TLN1: variants seen among roughly 807,000 people sequenced by gnomAD.
The protein encoded by TLN1 is talin-1.
In TLN1, 56 loss-of-function variants were observed where a neutral mutation model predicts 292.3. The ratio of observed to expected loss-of-function variants is 0.19; its 90% CI spans 0.15 to 0.24. TLN1 has a LOEUF of 0.24. Among genes scored for constraint, TLN1 ranks in the 10% least tolerant of loss-of-function variants. The pLI, the probability that TLN1 is intolerant of heterozygous loss-of-function variation, is 1.00. For synonymous variants in TLN1, 1,119 were observed against 1,253.7 expected, an observed-to-expected ratio of 0.89 and a Z score of 2.27; for missense variants, 2,433 against 3,248.2, an observed-to-expected ratio of 0.75 and a Z score of 6.10.
In TLN1 at chr9:35,697,828, T is replaced by A; in HGVS notation, c.7589A>T (p.Tyr2530Phe). 1.2e-6 allele frequency: 2 copies of A among 1,614,174 alleles called. No individual in the cohort carries two copies. Among genetic ancestry groups the A allele is most frequent in the South Asian group, 2.2e-5 (2 of 91,090 alleles). The part of the protein sequence containing the change: ...KKLAQIRQQQ[Y>F]KFLPSELRDE... ...TCGAAGCTCTGAAGGCAGAAACTTG[T>A]ACTGCTGCTGCCGGATCTGGGCCAG... is the stretch of plus-strand genomic sequence containing the variant. Residue 2530 changes from tyrosine (Y) to phenylalanine (F), a missense_variant, in exon 57 of 57, where the codon TAC becomes TTC. Transcript: ENST00000314888.
At position 35,719,201 on chromosome 9, in the gene TLN1, C is replaced by A. The variant is rs773010808; in HGVS notation, c.1769G>T (p.Gly590Val). ...CAGCAAGGCAGCCAGCAGCTTCACC[C>A]CACGGGACATCTCCGTCAGGTTGGA... Reference protein sequence around the residue: ...ISSNLTEMSRGVKLLAALLED... With the variant: ...ISSNLTEMSRVVKLLAALLED... Residue 590 changes from glycine to valine, a missense_variant, in exon 16 of 57, where the codon GGG (glycine) becomes GTG (valine). Gly to Val is a moderately radical substitution (Grantham distance 109). Around this residue, in one of 7 missense-constraint regions of TLN1, gnomAD observed 617 missense variants for 770.6 expected, o/e 0.80. Transcript: ENST00000314888. The surrounding 1 kb of genome is among the most constrained non-coding windows in gnomAD (Gnocchi z 4.6). The A allele has an allele frequency of 6.2e-7, 1 of 1,614,212 alleles. No individual in the cohort carries two copies. The highest frequency in any genetic ancestry group is 8.5e-7 in the Non-Finnish European group (1 of 1,180,034).
Position 35,700,366 on chromosome 9 carries a change from G to A in TLN1, c.6485C>T (p.Ser2162Phe). ...AGAGGTCTTGGCAGGTGGCTCTGGG[G>A]AACAGAAAACCTGTGGGGGCAGAAG... is the stretch of plus-strand genomic sequence containing the variant. ...HIRQELAVFC[S>F]PEPPAKTSTP... Residue 2162 changes from serine (S) to phenylalanine (F), a missense_variant, in exon 49 of 57, where the codon TCC becomes TTC. Around this residue, in one of 7 missense-constraint regions of TLN1, gnomAD observed 1,384 missense variants for 1,699.6 expected, o/e 0.81. Coordinates refer to ENST00000314888, the MANE Select transcript of TLN1 (RefSeq NM_006289.4). The A allele has an allele frequency of 6.3e-7, 1 of 1,598,796 alleles. No individual in the cohort carries two copies. The highest frequency in any genetic ancestry group is 8.6e-7 in the Non-Finnish European group (1 of 1,167,500).
At position 35,719,076 on chromosome 9, in the gene TLN1, C is replaced by T; in HGVS notation, c.1894G>A (p.Glu632Lys). Residue 632 changes from glutamate (E) to lysine (K), a missense_variant and splice_region_variant, in exon 16 of 57, where the codon GAG (glutamate) becomes AAG (lysine). By Grantham distance (56) the Glu-to-Lys change is moderately conservative. Around this residue, in one of 7 missense-constraint regions of TLN1, gnomAD observed 617 missense variants for 770.6 expected, o/e 0.80. Coordinates refer to ENST00000314888, the MANE Select transcript of TLN1 (RefSeq NM_006289.4). The surrounding 1 kb of genome is among the most constrained non-coding windows in gnomAD (Gnocchi z 4.6). ...LLRSAQPASA[E>K]PRQNLLQAAG... Reference sequence around the variant, plus strand: ...AACCCAAACCTGTGGCCCCTGACCTCAGCACTGGCTGGTTGGGCACTGCGC... The same window carrying T: ...AACCCAAACCTGTGGCCCCTGACCTTAGCACTGGCTGGTTGGGCACTGCGC... 6.2e-7 allele frequency: 1 copy of T among 1,611,846 alleles called. No individual in the cohort carries two copies. The highest frequency in any genetic ancestry group is 8.5e-7 in the Non-Finnish European group (1 of 1,178,946).
At chr9:35,716,342 A>G (rs756371945) in intron 20 of TLN1, 48 bp downstream of exon 20, 3 of 1,606,218 alleles carry the variant, frequency 1.9e-6, no homozygotes, top group Non-Finnish European at 2.6e-6. Context: ...GGACTGCTCT[A>G]CTTCCCTCTA....
chr9:35,707,357 G>C lies in TLN1; in HGVS notation c.4764C>G (p.Ile1588Met). 6.2e-7 allele frequency: 1 copy of C among 1,614,172 alleles called. No individual in the cohort carries two copies. The change falls in exon 36 of 57, where the codon ATC becomes ATG. Residue 1588 changes from isoleucine (I) to methionine (M), a missense_variant. By Grantham distance (10) the Ile-to-Met change is conservative. Coordinates refer to ENST00000314888, the MANE Select transcript of TLN1 (RefSeq NM_006289.4). The surrounding 1 kb of genome is among the most constrained non-coding windows in gnomAD (Gnocchi z 5.6). The part of the protein sequence containing the change: ...NPEFSSIPAQ[I>M]SPEGRAAMEP... The stretch of plus-strand genomic sequence containing the variant: ...CTTCACATCGCCTCACCTCAGGGCT[G>C]ATCTGGGCAGGAATGCTGGAGAACT...
rs1203453844 is a variant in TLN1 at position 35,722,906 on chromosome 9, C to T, written c.798G>A (p.Leu266=). Residue 266 remains leucine (L), a synonymous_variant, in exon 8 of 57, where the codon CTG becomes CTA. Coordinates refer to ENST00000314888, the MANE Select transcript of TLN1 (RefSeq NM_006289.4). ...CCTTCTGCTTCACATACTCCTTGGG[C>T]AGGAAGTCCTTCAGGCTACACCAGA... ...KAGFLDLKDF[L]PKEYVKQKGE... is the part of the protein sequence containing the mutation. The T allele has an allele frequency of 1.9e-6, 3 of 1,613,830 alleles. No individual in the cohort carries two copies. In the African/African-American group the frequency reaches 4.0e-5, roughly 22 times the overall value.
At chr9:35,711,871 G>C in intron 28 of TLN1, 79 bp from the exon 29 acceptor site, 1 of 1,602,166 alleles carries the variant, frequency 6.2e-7, no homozygotes. Context: ...GGCTGAAAAG[G>C]TGGGCACATA....
chr9:35,698,489 G>A lies in TLN1; in HGVS notation c.7205C>T (p.Ala2402Val), dbSNP rs200286479. ...TGCCTCACACAGATTGTTGGTGGCC[G>A]CAGCCACCATCCGGGCCTAAAGCAG... ...GLISAARMVA[A>V]ATNNLCEAAN... The change falls in exon 55 of 57, where the codon GCG becomes GTG. Residue 2402 changes from alanine (A) to valine (V), a missense_variant. Ala to Val is a moderately conservative substitution (Grantham distance 64). Coordinates refer to ENST00000314888, the MANE Select transcript of TLN1 (RefSeq NM_006289.4). This position sits in a 1 kb window ranked among gnomAD's most constrained non-coding sequence, Gnocchi z 5.3. The A allele has an allele frequency of 4.2e-5, 67 of 1,613,718 alleles. No homozygotes were observed. The East Asian group carries it at 1.2e-3, about 30-fold the overall frequency.
rs1825810524 is a variant in TLN1 at position 35,717,710 on chromosome 9, T to C, written c.2072A>G (p.Gln691Arg). 6.2e-7 allele frequency: 1 copy of C among 1,613,888 alleles called. No individual in the cohort carries two copies. Among genetic ancestry groups the C allele is most frequent in the South Asian group, 1.1e-5 (1 of 91,088 alleles). ...ALVLKAKSVA[Q>R]RTEDSGLQTQ... is the part of the protein sequence containing the mutation. The stretch of plus-strand genomic sequence containing the variant: ...CTGAAGTCCCGAGTCCTCTGTCCGC[T>C]GGGCCACACTCTTGGCCTTGAGGAC... Residue 691 changes from glutamine to arginine, a missense_variant, in exon 18 of 57, where the codon CAG becomes CGG. By Grantham distance (43) the Gln-to-Arg change is conservative (BLOSUM62 1). Transcript: ENST00000314888. The surrounding 1 kb of genome is among the most constrained non-coding windows in gnomAD (Gnocchi z 4.7).
Position 35,698,942 on chromosome 9 carries a change from A to C in TLN1, c.7000-9T>G, listed in dbSNP as rs775238906. The C allele has an allele frequency of 1.2e-6, 2 of 1,613,128 alleles. No homozygotes were observed. The highest frequency in any genetic ancestry group is 1.7e-5 in the Admixed American group (1 of 59,970). ...AAGGACTCATCTGCCTCCTGCAATA[A>C]GCGAAGGTTGCAGAAAGAGATGTAA... On this transcript the variant is annotated splice_polypyrimidine_tract_variant and intron_variant, in intron 52 of 56. Transcript: ENST00000314888. The surrounding 1 kb of genome is among the most constrained non-coding windows in gnomAD (Gnocchi z 5.3).
intron 1 of TLN1, among the ~76,000 whole-genome samples, chr9:35,730,305 T>C (rs1826051084): frequency 6.6e-6 from 1 of 151,820 alleles, no homozygotes; most frequent in Non-Finnish European, 1.5e-5. Context: ...TAGAGGATAG[T>C]GCTGTGGTCA....
rs1403680252 is a variant in TLN1, at chr9:35,707,009, C to T, written c.4955+63G>A. On this transcript the variant is annotated intron_variant, in intron 37 of 56. Transcript: ENST00000314888. This position sits in a 1 kb window ranked among gnomAD's most constrained non-coding sequence, Gnocchi z 5.6. ...CATCCCATCTCATTGCACTCAAGTG[C>T]CCATCCTCCATTCTGCCACAATGTA... 5.6e-6 allele frequency: 9 copies of T among 1,608,072 alleles called. No individual in the cohort carries two copies. Among genetic ancestry groups the T allele is most frequent in the Non-Finnish European group, 6.8e-6 (8 of 1,178,270 alleles).
chr9:35,708,643 A>G (rs1456932782), intron 33 of TLN1, among the ~76,000 whole-genome samples, 159 bp from the exon 34 acceptor site: 1 of 152,250 alleles, frequency 6.6e-6, no homozygotes, highest in African/African-American at 2.4e-5. Context: ...CAATGGTTAC[A>G]CTATAAAGAA....
At chr9:35,708,557 A>C (rs1263818650) in intron 33 of TLN1, 73 bp from the exon 34 acceptor site, 1 of 1,402,876 alleles carries the variant, frequency 7.1e-7, no homozygotes, top group East Asian at 2.6e-5. Flanking sequence ...TAGTAGGGAC[A>C]AAAGAGAGCA....
At position 35,719,257 on chromosome 9, in the gene TLN1, G is replaced by T; in HGVS notation, c.1713C>A (p.Thr571=). The T allele has an allele frequency of 6.2e-7, 1 of 1,613,874 alleles. No individual in the cohort carries two copies. Among genetic ancestry groups the T allele is most frequent in the Non-Finnish European group, 8.5e-7 (1 of 1,179,846 alleles). Residue 571 remains threonine (T), a synonymous_variant, in exon 16 of 57, where the codon ACC becomes ACA. Transcript: ENST00000314888. This position sits in a 1 kb window ranked among gnomAD's most constrained non-coding sequence, Gnocchi z 4.6. Reference sequence around the variant, plus strand: ...TTGTGGTGACTGCACAGCCCACTGCGGTATAGTCTGTCTCAGCAGGGTCCC... The same window carrying T: ...TTGTGGTGACTGCACAGCCCACTGCTGTATAGTCTGTCTCAGCAGGGTCCC... ...TAGDPAETDY[T]AVGCAVTTIS...
In TLN1 at chr9:35,700,009, T is replaced by G. The variant is rs1252630461; in HGVS notation, c.6733A>C (p.Asn2245His). The G allele has an allele frequency of 5.0e-6, 8 of 1,613,280 alleles. No homozygotes were observed. Among genetic ancestry groups the G allele is most frequent in the African/African-American group, 1.3e-5 (1 of 74,938 alleles). ...TGGTCCAGCAGTTCCAGGTAGCCAT[T>G]GGCACACTCCCGGCCATAGTGCAGG... ...RALHYGRECA[N>H]GYLELLDHVL... Residue 2245 changes from asparagine (N) to histidine (H), a missense_variant, in exon 50 of 57, where the codon AAT becomes CAT. Physicochemically the swap from Asn to His is moderately conservative, Grantham distance 68. This residue lies in a region of TLN1 where 1,384 missense variants were observed against 1,699.6 expected (regional missense o/e 0.81). Transcript: ENST00000314888.
intron 1 of TLN1, among the ~76,000 whole-genome samples, chr9:35,728,496 C>T (rs1197297238): frequency 6.6e-6 from 1 of 152,012 alleles, no homozygotes; most frequent in Admixed American, 6.6e-5. Context: ...GAACTTCCCC[C>T]GGTACAGCCC....
In TLN1 at chr9:35,706,861, A is replaced by G. The variant is rs1432345698; in HGVS notation, c.4995T>C (p.Ile1665=). The stretch of plus-strand genomic sequence containing the variant: ...CCCGTAGACAACTGTTCAGAGCTGC[A>G]ATGGCCGTTTCACACTCCAGCTGCC... The part of the protein sequence containing the change: ...APGQLECETA[I]AALNSCLRDL... Residue 1665 remains isoleucine, a synonymous_variant, in exon 38 of 57, where the codon ATT becomes ATC. Coordinates refer to ENST00000314888, the MANE Select transcript of TLN1 (RefSeq NM_006289.4). The surrounding 1 kb of genome is among the most constrained non-coding windows in gnomAD (Gnocchi z 4.2). 1.2e-6 allele frequency: 2 copies of G among 1,614,012 alleles called. No homozygotes were observed. Among genetic ancestry groups the G allele is most frequent in the African/African-American group, 1.3e-5 (1 of 75,032 alleles).
At chr9:35,711,867 A>C (rs1825675820) in intron 28 of TLN1, 75 bp from the exon 29 acceptor site, 2 of 1,603,652 alleles carry the variant, frequency 1.2e-6, no homozygotes, top group Admixed American at 1.7e-5. Context: ...GGAGGGCTGA[A>C]AAGGTGGGCA....
Sources: gnomAD v4.1 joint callset for allele counts (sites outside exome capture counted in the v4.1 genomes callset) on GRCh38, gnomAD v4.1.1 for gene constraint, gnomAD v4.1.1 regional missense constraint, Gnocchi (gnomAD v3.1) non-coding constraint, MANE v1.5 for transcripts, NCBI Gene and HGNC (gene_info 2026-07-23, HGNC 2026-07-21) for gene names.